The following NOL9 variants were observed in gnomAD, a reference collection of about 807,000 sequenced individuals.
NOL9 encodes the protein nucleolar protein 9, also known as polynucleotide 5'-hydroxyl-kinase NOL9.
In NOL9, 28 loss-of-function variants were observed where a neutral mutation model predicts 67.9. The ratio of observed to expected loss-of-function variants is 0.41; its 90% CI spans 0.31 to 0.57. The LOEUF (loss-of-function observed/expected upper bound fraction) is 0.57. Ranked by LOEUF, NOL9 falls within the 20% of genes least tolerant of loss-of-function variation. NOL9 has a pLI of 0.25. For synonymous variants in NOL9, 356 were observed against 352.2 expected, an observed-to-expected ratio of 1.01 and a Z score of -0.12; for missense variants, 777 against 897.0, an observed-to-expected ratio of 0.87 and a Z score of 1.71.
At chr1:6,529,279 T>A in intron 9 of NOL9, 108 bp from the exon 10 acceptor site, 3 of 950,060 alleles carry the variant, frequency 3.2e-6, no homozygotes, top group Non-Finnish European at 4.8e-6. Flanking sequence ...CCAAAGTGCC[T>A]ACTCAAAAGT....
At chr1:6,542,021 G>T in intron 5 of NOL9, 94 bp from the exon 6 acceptor site, 1 of 705,930 alleles carries the variant, frequency 1.4e-6, no homozygotes, top group Non-Finnish European at 2.3e-6. Context: ...CATGTGACAC[G>T]CAGGCATAAT....
In NOL9 at chr1:6,544,903, A is replaced by T; in HGVS notation, c.900T>A (p.Pro300=). The T allele has an allele frequency of 6.2e-7, 1 of 1,614,234 alleles. No individual in the cohort carries two copies. ...NVSCEEVDGC[P]VILVCGSQDV... The stretch of plus-strand genomic sequence containing the variant: ...CCTGGGATCCACAAACTAGAATGAC[A>T]GGGCAGCCATCTACTTCTTCTGAAT... Residue 300 remains proline, a synonymous_variant, in exon 5 of 12, where the codon CCT becomes CCA. Transcript: ENST00000377705.
chr1:6,522,308 G>A lies in NOL9; in HGVS notation c.*3546C>T, dbSNP rs543190433. Reference sequence around the variant, plus strand: ...CTTATGCCTGTAATCCCAACACCTTGGGAGGCCAAGGCAGGCGGATCCCCT... The same window carrying A: ...CTTATGCCTGTAATCCCAACACCTTAGGAGGCCAAGGCAGGCGGATCCCCT... On this transcript the variant is annotated 3_prime_UTR_variant, in exon 12 of 12. Transcript: ENST00000377705. 1 of 152,224 alleles carries A rather than the reference G, an allele frequency of 6.6e-6. No individual in the cohort carries two copies. Among genetic ancestry groups the A allele is most frequent in the South Asian group, 2.1e-4 (1 of 4,822 alleles). 9.4% of individuals were successfully genotyped at this position (152,224 alleles called of 1,614,324 possible).
chr1:6,532,897 G>T, intron 7 of NOL9, 137 bp from the exon 8 acceptor site: 1 of 858,496 alleles, frequency 1.2e-6, no homozygotes, highest in Non-Finnish European at 1.7e-6. Context: ...CTTCGGCTGG[G>T]CACAGTGGCT....
chr1:6,552,501 C>T (rs1357902071), intron 1 of NOL9, among the ~76,000 whole-genome samples: 3 of 152,174 alleles, frequency 2.0e-5, no homozygotes, highest in Admixed American at 2.0e-4. Flanking sequence ...CAGCTTACCA[C>T]AACCTCCACC....
Position 6,542,040 on chromosome 1 carries a change from C to A in NOL9, c.978-113G>T, listed in dbSNP as rs369719738. ...TGACACGCAGGCATAATCCACCACA[C>A]ACAGCACTTTAGAAGTGAAGCCTCA... On this transcript the variant is annotated intron_variant, in intron 5 of 11. Transcript: ENST00000377705. The A allele has an allele frequency of 2.2e-4, 126 of 565,910 alleles. No individual in the cohort carries two copies. The Middle Eastern group carries it at 2.9e-3, about 13-fold the overall frequency. The allele number at this position is 565,910 out of a possible 1,614,324, so 35.1% of individuals were successfully genotyped here. A position where few individuals can be genotyped will look rare whatever the true frequency, so the allele number is the denominator to read the frequency against.
intron 1 of NOL9, 138 bp downstream of exon 1, chr1:6,553,969 G>A (rs1292400946): frequency 1.5e-6 from 1 of 654,402 alleles, no homozygotes; most frequent in East Asian, 3.4e-5. Flanking sequence ...CAACCATCAA[G>A]AGGATGGACT....
Position 6,549,589 on chromosome 1 carries a change from G to T in NOL9, c.726C>A (p.Ser242=), listed in dbSNP as rs759253452. ...VNFITSYPGS[S]YIFVQESPTP... ...GTTCTACCTCTTGCACAAAAATGTA[G>T]GATGAACCCGGATAGCTGGTTATGA... Residue 242 remains serine (S), a synonymous_variant, in exon 3 of 12, where the codon TCC becomes TCA. Transcript: ENST00000377705. 3 of 1,613,942 alleles carry T rather than the reference G, an allele frequency of 1.9e-6. No individual in the cohort carries two copies. The highest frequency in any genetic ancestry group is 3.3e-5 in the Admixed American group (2 of 59,968).
At chr1:6,534,450 T>C (rs1373286158) in intron 6 of NOL9, among the ~76,000 whole-genome samples, 2 of 151,954 alleles carry the variant, frequency 1.3e-5, no homozygotes, top group African/African-American at 4.8e-5. Context: ...TGTGACAGGG[T>C]CAGAAGGGAG....
At chr1:6,529,320 G>A in intron 9 of NOL9, 149 bp from the exon 10 acceptor site, 1 of 723,394 alleles carries the variant, frequency 1.4e-6, no homozygotes, top group Non-Finnish European at 2.3e-6. Context: ...GCCAGGCACA[G>A]TGGCTCACGC....
In NOL9 at chr1:6,531,958, T is replaced by G. The variant is rs1038298330; in HGVS notation, c.1647+10A>C. 2 of 1,605,410 alleles carry G rather than the reference T, an allele frequency of 1.2e-6. No homozygotes were observed. The highest frequency in any genetic ancestry group is 2.7e-5 in the African/African-American group (2 of 74,868). ...AAATGAAGACAATTTCTCCTGTAAGTTCAGATTACCTGATAGGGTGTCAGG... is the reference window on the plus strand; with the variant it reads ...AAATGAAGACAATTTCTCCTGTAAGGTCAGATTACCTGATAGGGTGTCAGG... On this transcript the variant is annotated intron_variant, in intron 9 of 11. Coordinates refer to ENST00000377705, the MANE Select transcript of NOL9 (RefSeq NM_024654.5).
intron 3 of NOL9, 30 bp downstream of exon 3, chr1:6,549,541 A>C (rs1367585138): frequency 1.2e-6 from 2 of 1,609,546 alleles, no homozygotes; most frequent in Non-Finnish European, 1.7e-6. Context: ...GCAAGTAATT[A>C]GCAAAACTCT....
intron 10 of NOL9, among the ~76,000 whole-genome samples, chr1:6,527,834 G>A (rs1328238471): frequency 6.6e-6 from 1 of 152,148 alleles, no homozygotes; most frequent in Non-Finnish European, 1.5e-5. Flanking sequence ...AGGAGGCTGA[G>A]ACAGAAGAAT....
At chr1:6,554,074 C>G in intron 1 of NOL9, 33 bp downstream of exon 1, 1 of 1,500,160 alleles carries the variant, frequency 6.7e-7, no homozygotes, top group Non-Finnish European at 8.9e-7. Flanking sequence ...CCCTCCCTGC[C>G]CTCGGGGACT....
Position 6,525,922 on chromosome 1 carries a change from T to C in NOL9, c.2041A>G (p.Arg681Gly). ...TCTTTATGTGCCTCCTCAGGTTCTC[T>C]TGCTCCAATTTTCTCTGATGCTCCA... ...LPGASEKIGA[R>G]EPEEAHKEKP... The change falls in exon 12 of 12, where the codon AGA becomes GGA. Residue 681 changes from arginine to glycine, a missense_variant. Transcript: ENST00000377705. 2 of 1,614,182 alleles carry C rather than the reference T, an allele frequency of 1.2e-6. No individual in the cohort carries two copies. The highest frequency in any genetic ancestry group is 1.7e-5 in the Admixed American group (1 of 60,014).
At chr1:6,552,517 G>T (rs1003647238) in intron 1 of NOL9, among the ~76,000 whole-genome samples, 5 of 151,880 alleles carry the variant, frequency 3.3e-5, no homozygotes, top group African/African-American at 1.2e-4. Flanking sequence ...CCACCTCCCA[G>T]GTTAAAGCAA....
intron 5 of NOL9, 56 bp downstream of exon 5, chr1:6,544,770 C>T: frequency 6.4e-7 from 1 of 1,574,336 alleles, no homozygotes. Context: ...ATCAAAAATC[C>T]CACTTCATGA....
chr1:6,529,268 G>C (rs1055759400), intron 9 of NOL9, 97 bp from the exon 10 acceptor site: 4 of 1,076,104 alleles, frequency 3.7e-6, no homozygotes, highest in Non-Finnish European at 4.1e-6. Flanking sequence ...AGATAGGTCT[G>C]CCAAAGTGCC....
At chr1:6,550,348 GC>G in intron 2 of NOL9, 47 bp downstream of exon 2, 1 of 1,528,970 alleles carries the variant, frequency 6.5e-7, no homozygotes, top group Non-Finnish European at 9.1e-7. Context: ...TTATGAATTA[GC>G]CTTATTACAG....
Sources: allele counts gnomAD v4.1 joint callset (sites outside exome capture counted in the v4.1 genomes callset), GRCh38; gene constraint gnomAD v4.1.1; transcripts MANE v1.5; gene names NCBI Gene and HGNC (gene_info 2026-07-23, HGNC 2026-07-21).